The following LRRC8A variants were observed in gnomAD, a reference collection of about 807,000 sequenced individuals.
The protein encoded by LRRC8A is volume-regulated anion channel subunit LRRC8A.
In LRRC8A, 24 loss-of-function variants were observed where a neutral mutation model predicts 52.5. The observed-to-expected ratio is 0.46, with a 90% confidence interval of 0.33 to 0.64. LRRC8A has a LOEUF of 0.64. Ranked by LOEUF, LRRC8A falls within the 30% of genes least tolerant of loss-of-function variation. LRRC8A has a pLI of 0.02. For missense variants in LRRC8A, 677 were observed against 1,094.7 expected (o/e 0.62, Z 5.38); for synonymous variants, 492 against 494.2 (o/e 1.00, Z 0.06).
At position 128,916,351 on chromosome 9, in the gene LRRC8A, G is replaced by T. The variant is rs1188712711; in HGVS notation, c.2413G>T (p.Ala805Ser). 6.2e-7 allele frequency: 1 copy of T among 1,611,514 alleles called. No individual in the cohort carries two copies. The highest frequency in any genetic ancestry group is 1.1e-5 in the South Asian group (1 of 90,986). Residue 805 changes from alanine to serine, a missense_variant, in exon 4 of 4, where the codon GCT (alanine) becomes TCT (serine). By Grantham distance (99) the Ala-to-Ser change is moderately conservative. This residue lies in a region of LRRC8A where 169 missense variants were observed against 217.6 expected (regional missense o/e 0.78). Transcript: ENST00000372600. The surrounding 1 kb of genome is among the most constrained non-coding windows in gnomAD (Gnocchi z 6.1). Reference sequence around the variant, plus strand: ...CGAGGTGAAGGAGCGGCTGTGGAGGGCTGACAAGGAGCAGGCCTGAGCGAG... The same window carrying T: ...CGAGGTGAAGGAGCGGCTGTGGAGGTCTGACAAGGAGCAGGCCTGAGCGAG... ...PPEVKERLWRADKEQA is the reference protein window; with the variant it reads ...PPEVKERLWRSDKEQA
At chr9:128,900,217 C>T (rs1039011091) in intron 2 of LRRC8A, among the ~76,000 whole-genome samples, 11 of 152,200 alleles carry the variant, frequency 7.2e-5, no homozygotes, top group Admixed American at 5.9e-4. Flanking sequence ...TCCACCACAC[C>T]GGGGGCCCAC....
chr9:128,901,934 CAG>C (rs1282369307), intron 2 of LRRC8A, among the ~76,000 whole-genome samples: 4 of 152,264 alleles, frequency 2.6e-5, no homozygotes, highest in Non-Finnish European at 5.9e-5. Context: ...GAAGCCCCAT[CAG>C]AGAGGGGCAG....
chr9:128,911,124 C>G lies in LRRC8A; in HGVS notation c.2157+1803C>G, dbSNP rs1357562677. On this transcript the variant is annotated intron_variant, in intron 3 of 3. Coordinates refer to ENST00000372600, the MANE Select transcript of LRRC8A (RefSeq NM_019594.4). This position sits in a 1 kb window ranked among gnomAD's most constrained non-coding sequence, Gnocchi z 4.9. ...TATCCTCAGGCACGGAGGGAGGTGG[C>G]CCCTGGAATGCCCTGTCTGTCCTCC... 6.6e-6 allele frequency among the ~76,000 whole-genome samples: 1 copy of G among 152,072 alleles called. No individual in the cohort carries two copies. The highest frequency in any genetic ancestry group is 1.5e-5 in the Non-Finnish European group (1 of 67,992).
At chr9:128,897,634 T>G (rs1237526201) in intron 2 of LRRC8A, among the ~76,000 whole-genome samples, 1 of 151,976 alleles carries the variant, frequency 6.6e-6, no homozygotes, top group Non-Finnish European at 1.5e-5. Context: ...AGTCTCCGCC[T>G]CCTGGGTTCA....
At chr9:128,901,387 C>T (rs1281607848) in intron 2 of LRRC8A, among the ~76,000 whole-genome samples, 1 of 151,008 alleles carries the variant, frequency 6.6e-6, no homozygotes, top group Non-Finnish European at 1.5e-5. Context: ...TTATTCGAAC[C>T]TGGGAGGCGG....
At chr9:128,903,854 A>G (rs1011750695) in intron 2 of LRRC8A, among the ~76,000 whole-genome samples, 1 of 152,028 alleles carries the variant, frequency 6.6e-6, no homozygotes, top group East Asian at 2.0e-4. Flanking sequence ...ATGGCAAAAC[A>G]CCGTCTCTAC....
At chr9:128,905,040 G>C (rs570853677) in intron 2 of LRRC8A, among the ~76,000 whole-genome samples, 1 of 151,520 alleles carries the variant, frequency 6.6e-6, no homozygotes, top group South Asian at 2.1e-4. Context: ...AGGCATGGTG[G>C]CACACACCTG....
At chr9:128,914,368 G>A (rs913613011) in intron 3 of LRRC8A, among the ~76,000 whole-genome samples, 3 of 147,282 alleles carry the variant, frequency 2.0e-5, no homozygotes, top group African/African-American at 7.3e-5. Context: ...TCTGCAAAAC[G>A]GTCCTCAGCC....
Position 128,909,292 on chromosome 9 carries a change from C to G in LRRC8A, c.2128C>G (p.Leu710Val). 6.2e-7 allele frequency: 1 copy of G among 1,613,668 alleles called. No individual in the cohort carries two copies. The highest frequency in any genetic ancestry group is 8.5e-7 in the Non-Finnish European group (1 of 1,180,016). ...TGCCGACATCGGCCTCCTGCAGAACCTCCAGAACCTAGCCATCACGGCCAA... is the reference window on the plus strand; with the variant it reads ...TGCCGACATCGGCCTCCTGCAGAACGTCCAGAACCTAGCCATCACGGCCAA... ...LPADIGLLQN[L>V]QNLAITANRI... The change falls in exon 3 of 4, where the codon CTC becomes GTC. Residue 710 changes from leucine (L) to valine (V), a missense_variant. Physicochemically the swap from Leu to Val is conservative, Grantham distance 32. This residue lies in a region of LRRC8A where 169 missense variants were observed against 217.6 expected (regional missense o/e 0.78). Coordinates refer to ENST00000372600, the MANE Select transcript of LRRC8A (RefSeq NM_019594.4).
At position 128,911,845 on chromosome 9, in the gene LRRC8A, C is replaced by T. The variant is rs926083469; in HGVS notation, c.2157+2524C>T. ...GAGCCTTAATAGGGAAAACAGTTCA[C>T]TTGGGCCAACCCCAGGCAGGCCCCT... On this transcript the variant is annotated intron_variant, in intron 3 of 3. Coordinates refer to ENST00000372600, the MANE Select transcript of LRRC8A (RefSeq NM_019594.4). The surrounding 1 kb of genome is among the most constrained non-coding windows in gnomAD (Gnocchi z 4.9). Among the ~76,000 whole-genome samples, 1 of 152,254 alleles carries T rather than the reference C, an allele frequency of 6.6e-6. No individual in the cohort carries two copies. Among genetic ancestry groups the T allele is most frequent in the African/African-American group, 2.4e-5 (1 of 41,466 alleles).
intron 1 of LRRC8A, among the ~76,000 whole-genome samples, chr9:128,883,830 C>T (rs1839263088): frequency 6.6e-6 from 1 of 152,134 alleles, no homozygotes; most frequent in Non-Finnish European, 1.5e-5. Context: ...AAAAATTAGC[C>T]AGGCATGGGG....
At chr9:128,891,545 C>T (rs575211750) in intron 2 of LRRC8A, among the ~76,000 whole-genome samples, 68 of 152,170 alleles carry the variant, frequency 4.5e-4, no homozygotes, top group Non-Finnish European at 8.5e-4. Flanking sequence ...TCGGCGACAG[C>T]GCAAGATCCT....
In LRRC8A at chr9:128,896,544, C is replaced by G. The variant is rs75949837; in HGVS notation, c.-9+10423C>G. Among the ~76,000 whole-genome samples, 981 of 152,244 alleles carry G rather than the reference C, an allele frequency of 6.4e-3. 7 individuals carry two copies. Among genetic ancestry groups the G allele is most frequent in the Admixed American group, 0.015 (228 of 15,274 alleles). ...AGTGATATGTGATCGTTTTAATTTA[C>G]ATTCCTTGATTACTAGCAAGGCTAA... On this transcript the variant is annotated intron_variant, in intron 2 of 3. Coordinates refer to ENST00000372600, the MANE Select transcript of LRRC8A (RefSeq NM_019594.4).
Position 128,911,743 on chromosome 9 carries a change from C to T in LRRC8A, c.2157+2422C>T, listed in dbSNP as rs1397029402. ...GGAGCTGGCGGCAAGCACGCTGTCC[C>T]AGAGGAAGGAGACCCTCTGGACACC... is the stretch of plus-strand genomic sequence containing the variant. On this transcript the variant is annotated intron_variant, in intron 3 of 3. Transcript: ENST00000372600. The surrounding 1 kb of genome is among the most constrained non-coding windows in gnomAD (Gnocchi z 4.9). 1.3e-5 allele frequency among the ~76,000 whole-genome samples: 2 copies of T among 152,184 alleles called. No individual in the cohort carries two copies. Among genetic ancestry groups the T allele is most frequent in the Admixed American group, 6.5e-5 (1 of 15,282 alleles).
At chr9:128,912,496 T>TG in intron 3 of LRRC8A, among the ~76,000 whole-genome samples, 1 of 7,884 alleles carries the variant, frequency 1.3e-4, no homozygotes, top group African/African-American at 2.4e-4. Context: ...AGAGCAGAGG[T>TG]GGGGCTATGG....
At chr9:128,887,047 G>T (rs1366198417) in intron 2 of LRRC8A, among the ~76,000 whole-genome samples, 1 of 151,986 alleles carries the variant, frequency 6.6e-6, no homozygotes, top group Non-Finnish European at 1.5e-5. Flanking sequence ...TCTCACCTCA[G>T]TTTTTTGTGT....
chr9:128,917,892 C>T lies in LRRC8A; in HGVS notation c.*1521C>T, dbSNP rs536043156. 1 of 152,792 alleles carries T rather than the reference C, an allele frequency of 6.5e-6. No individual in the cohort carries two copies. Among genetic ancestry groups the T allele is most frequent in the South Asian group, 2.1e-4 (1 of 4,828 alleles). 9.5% of individuals were successfully genotyped at this position (152,792 alleles called of 1,614,324 possible). A position where few individuals can be genotyped will look rare whatever the true frequency, so the allele number is the denominator to read the frequency against. On this transcript the variant is annotated 3_prime_UTR_variant, in exon 4 of 4. Transcript: ENST00000372600. ...TGATTATGTCCATCCGTCTGTCCGT[C>T]CATTTGTGTTTTCTGCGTCGTGTCA...
In LRRC8A at chr9:128,907,777, G is replaced by C. The variant is rs764489463; in HGVS notation, c.613G>C (p.Val205Leu). ...AAAGTCATCGACCGTCAGTGAGGACGTGGAGGCCACCGTGCCCATGCTGCA... is the reference window on the plus strand; with the variant it reads ...AAAGTCATCGACCGTCAGTGAGGACCTGGAGGCCACCGTGCCCATGCTGCA... Reference protein sequence around the residue: ...DKKSSTVSEDVEATVPMLQRT... With the variant: ...DKKSSTVSEDLEATVPMLQRT... The change falls in exon 3 of 4, where the codon GTG becomes CTG. Residue 205 changes from valine to leucine, a missense_variant. Physicochemically the swap from Val to Leu is conservative, Grantham distance 32 (BLOSUM62 1). Around this residue, in one of 4 missense-constraint regions of LRRC8A, gnomAD observed 422 missense variants for 741.5 expected, o/e 0.57. Coordinates refer to ENST00000372600, the MANE Select transcript of LRRC8A (RefSeq NM_019594.4). The surrounding 1 kb of genome is among the most constrained non-coding windows in gnomAD (Gnocchi z 9.3). 2 of 1,613,946 alleles carry C rather than the reference G, an allele frequency of 1.2e-6. No individual in the cohort carries two copies. The highest frequency in any genetic ancestry group is 1.6e-4 in the Middle Eastern group (1 of 6,062).
At chr9:128,900,089 C>T (rs1311907128) in intron 2 of LRRC8A, among the ~76,000 whole-genome samples, 1 of 152,184 alleles carries the variant, frequency 6.6e-6, no homozygotes, top group Non-Finnish European at 1.5e-5. Flanking sequence ...CACTGGGCCC[C>T]TCCCTGTGGG....
Sources: gnomAD v4.1 joint callset for allele counts (sites outside exome capture counted in the v4.1 genomes callset) on GRCh38, gnomAD v4.1.1 for gene constraint, gnomAD v4.1.1 regional missense constraint, Gnocchi (gnomAD v3.1) non-coding constraint, MANE v1.5 for transcripts, NCBI Gene and HGNC (gene_info 2026-07-23, HGNC 2026-07-21) for gene names.